Variants in ARRB1 observed in about 807,000 individuals in gnomAD.
ARRB1 encodes the protein arrestin beta 1, also known as beta-arrestin-1.
A neutral mutation model predicts 56.8 loss-of-function variants in ARRB1; 21 were observed. That is an observed-to-expected ratio of 0.37 (90% CI 0.26 to 0.53). The LOEUF (loss-of-function observed/expected upper bound fraction) is 0.53, where lower values mean the gene tolerates loss of function less well. ARRB1 is among the 20% of genes least tolerant of loss of function. ARRB1 has a pLI of 0.88. For synonymous variants in ARRB1, 210 were observed against 218.6 expected (o/e 0.96, Z 0.35); for missense variants, 424 against 553.7 (o/e 0.77, Z 2.35).
chr11:75,311,900 G>A (rs1156824226), intron 1 of ARRB1, among the ~76,000 whole-genome samples: 5 of 152,276 alleles, frequency 3.3e-5, no homozygotes, highest in East Asian at 1.9e-4. Flanking sequence ...ACACTCCTCC[G>A]GCCACCAGGG....
intron 1 of ARRB1, among the ~76,000 whole-genome samples, chr11:75,351,282 C>G (rs1331586588): frequency 6.6e-6 from 1 of 152,174 alleles, no homozygotes; most frequent in East Asian, 1.9e-4. Context: ...TGTGCCCGTG[C>G]GTGTATTGTG....
Position 75,262,149 on chromosome 11 carries a change from A to T in ARRB1, c.*4014T>A, listed in dbSNP as rs1565574786. The T allele has an allele frequency of 6.6e-6, 1 of 152,192 alleles. No homozygotes were observed. The highest frequency in any genetic ancestry group is 1.5e-5 in the Non-Finnish European group (1 of 68,038). The allele number at this position is 152,192 out of a possible 1,614,324, so 9.4% of individuals were successfully genotyped here. A position where few individuals can be genotyped will look rare whatever the true frequency, so the allele number is the denominator to read the frequency against. Reference sequence around the variant, plus strand: ...TACACTTTGAAGGGAAGGAACAGACAATTTCTATTTCTCCTTGCCCTTAGA... The same window carrying T: ...TACACTTTGAAGGGAAGGAACAGACTATTTCTATTTCTCCTTGCCCTTAGA... On this transcript the variant is annotated 3_prime_UTR_variant, in exon 16 of 16. Transcript: ENST00000420843.
At chr11:75,320,717 C>T (rs2140494845) in intron 1 of ARRB1, among the ~76,000 whole-genome samples, 1 of 152,310 alleles carries the variant, frequency 6.6e-6, no homozygotes, top group Non-Finnish European at 1.5e-5. Flanking sequence ...TCCAGCACCG[C>T]ACAAACTCAA....
At chr11:75,267,603 G>GCCCC in intron 15 of ARRB1, 49 bp downstream of exon 15, 1 of 736,876 alleles carries the variant, frequency 1.4e-6, no homozygotes, top group Non-Finnish European at 2.3e-6. Context: ...CCTCCACCCC[G>GCCCC]CCCACCCGCG....
rs1243794420 is a variant in ARRB1, at chr11:75,277,392, G to A, written c.675C>T (p.Asn225=). Reference sequence around the variant, plus strand: ...AGATCTTGATCTTCTTCACCGTCTTGTTGGTGTTGTTGGTGACGTGGACGT... The same window carrying A: ...AGATCTTGATCTTCTTCACCGTCTTATTGGTGTTGTTGGTGACGTGGACGT... The part of the protein sequence containing the change: ...SVNVHVTNNT[N]KTVKKIKISV... Residue 225 remains asparagine, a synonymous_variant, in exon 9 of 16, where the codon AAC becomes AAT. Transcript: ENST00000420843. 1 of 1,614,202 alleles carries A rather than the reference G, an allele frequency of 6.2e-7. No homozygotes were observed. Among genetic ancestry groups the A allele is most frequent in the Admixed American group, 1.7e-5 (1 of 60,024 alleles).
intron 1 of ARRB1, 28 bp downstream of exon 1, chr11:75,351,560 C>A: frequency 6.7e-7 from 1 of 1,499,006 alleles, no homozygotes; most frequent in Admixed American, 2.1e-5. Flanking sequence ...CCCACGCGCC[C>A]CCCGCCGGGC....
At chr11:75,277,213 A>G (rs1488513987) in intron 9 of ARRB1, 151 bp downstream of exon 9, 4 of 830,194 alleles carry the variant, frequency 4.8e-6, no homozygotes, top group Admixed American at 4.9e-5. Flanking sequence ...ACCCAACTCA[A>G]AAGCTTTGCC....
intron 1 of ARRB1, among the ~76,000 whole-genome samples, chr11:75,336,841 AC>A (rs1947612228): frequency 6.6e-6 from 1 of 152,034 alleles, no homozygotes; most frequent in African/African-American, 2.4e-5. Flanking sequence ...GAATATTATC[AC>A]CTCCGTGGTA....
intron 1 of ARRB1, among the ~76,000 whole-genome samples, chr11:75,318,189 T>C (rs1350295183): frequency 8.3e-6 from 1 of 120,290 alleles, no homozygotes; most frequent in South Asian, 2.7e-4. Flanking sequence ...GAGAGAGAGA[T>C]TGGATCTCAC....
At chr11:75,267,597 C>T in intron 15 of ARRB1, 55 bp downstream of exon 15, 3 of 1,472,248 alleles carry the variant, frequency 2.0e-6, no homozygotes, top group Non-Finnish European at 2.8e-6. Context: ...TGACCCCCTC[C>T]ACCCCGCCCA....
At chr11:75,313,323 C>T (rs1450191660) in intron 1 of ARRB1, among the ~76,000 whole-genome samples, 2 of 152,152 alleles carry the variant, frequency 1.3e-5, no homozygotes, top group African/African-American at 4.8e-5. Flanking sequence ...TTCACTCCAG[C>T]CTGCGTGACA....
At chr11:75,332,072 C>T (rs1026146037) in intron 1 of ARRB1, among the ~76,000 whole-genome samples, 208 of 145,118 alleles carry the variant, frequency 1.4e-3, no homozygotes, top group Non-Finnish European at 2.3e-3. Context: ...GAACAACCCC[C>T]TTTAACTGTA....
Position 75,266,114 on chromosome 11 carries a change from G to C in ARRB1, c.*49C>G. The C allele has an allele frequency of 7.2e-7, 1 of 1,394,318 alleles. No homozygotes were observed. The allele number at this position is 1,394,318 out of a possible 1,614,324, so 86.4% of individuals were successfully genotyped here. A position where few individuals can be genotyped will look rare whatever the true frequency, so the allele number is the denominator to read the frequency against. On this transcript the variant is annotated 3_prime_UTR_variant, in exon 16 of 16. Coordinates refer to ENST00000420843, the MANE Select transcript of ARRB1 (RefSeq NM_004041.5). ...ACAGGAAGAAGACGAGTAAGCATCC[G>C]AGTGCACGAGAGTGGAGCCGGAGCC...
At chr11:75,326,197 G>A (rs550827014) in intron 1 of ARRB1, among the ~76,000 whole-genome samples, 2 of 152,302 alleles carry the variant, frequency 1.3e-5, no homozygotes, top group African/African-American at 4.8e-5. Context: ...CAGGCTGGGA[G>A]GAGGAGGGTG....
chr11:75,321,303 A>T (rs1166548969), intron 1 of ARRB1, among the ~76,000 whole-genome samples: 3 of 90,224 alleles, frequency 3.3e-5, no homozygotes, highest in Admixed American at 2.8e-4. Flanking sequence ...CTTCCTCAGG[A>T]CTCTATTATG....
chr11:75,321,483 C>G (rs1947349447), intron 1 of ARRB1, among the ~76,000 whole-genome samples: 3 of 152,252 alleles, frequency 2.0e-5, no homozygotes, highest in Admixed American at 6.5e-5. Context: ...TGCTCACCAC[C>G]ATTTGAGAGA....
chr11:75,271,579 G>A, intron 13 of ARRB1, 122 bp downstream of exon 13: 1 of 1,106,604 alleles, frequency 9.0e-7, no homozygotes. Flanking sequence ...CCTGAACCTG[G>A]CTATCTGAAA....
chr11:75,291,537 A>C (rs1946611793), intron 1 of ARRB1, among the ~76,000 whole-genome samples: 1 of 152,096 alleles, frequency 6.6e-6, no homozygotes, highest in Non-Finnish European at 1.5e-5. Context: ...GACTCCCAAA[A>C]AGTGGAACTC....
intron 8 of ARRB1, 118 bp downstream of exon 8, chr11:75,278,491 T>G: frequency 1.4e-6 from 2 of 1,426,880 alleles, no homozygotes. Flanking sequence ...CTGTGGTCCT[T>G]GGGCTGGGGA....
Sources: allele counts gnomAD v4.1 joint callset (sites outside exome capture counted in the v4.1 genomes callset), GRCh38; gene constraint gnomAD v4.1.1; transcripts MANE v1.5; gene names NCBI Gene and HGNC (gene_info 2026-07-23, HGNC 2026-07-21).